SPECC1: variants seen among roughly 807,000 people sequenced by gnomAD.
SPECC1 encodes the protein sperm antigen with calponin homology and coiled-coil domains 1.
Under a neutral mutation model 104.1 loss-of-function variants are expected in SPECC1, and 62 were observed. The ratio of observed to expected loss-of-function variants is 0.60; its 90% CI spans 0.49 to 0.74. The LOEUF (loss-of-function observed/expected upper bound fraction) is 0.74, where lower values mean the gene tolerates loss of function less well. Ranked by LOEUF, SPECC1 falls within the 30% of genes least tolerant of loss-of-function variation. SPECC1 has a pLI of 0.00. For missense variants in SPECC1, 1,306 were observed against 1,310.5 expected, an observed-to-expected ratio of 1.00 and a Z score of 0.05; for synonymous variants, 513 against 501.6, an observed-to-expected ratio of 1.02 and a Z score of -0.30.
At chr17:20,023,398 A>G (rs1009151059) in intron 1 of SPECC1, among the ~76,000 whole-genome samples, 23 of 152,288 alleles carry the variant, frequency 1.5e-4, no homozygotes, top group Non-Finnish European at 2.5e-4. Flanking sequence ...TGCTGAGATT[A>G]TAGTGATGGA....
Position 20,110,537 on chromosome 17 carries a change from G to C in SPECC1, c.258G>C (p.Thr86=). 1.2e-6 allele frequency: 2 copies of C among 1,613,680 alleles called. No homozygotes were observed. Among genetic ancestry groups the C allele is most frequent in the Non-Finnish European group, 1.7e-6 (2 of 1,179,940 alleles). Reference sequence around the variant, plus strand: ...CTGCCGGAGCCATCTCGGAGCTCACGGAGAGCCGCCTGAGGAGCGGCACAG... The same window carrying C: ...CTGCCGGAGCCATCTCGGAGCTCACCGAGAGCCGCCTGAGGAGCGGCACAG... ...TATAGAISEL[T]ESRLRSGTGA... The change falls in exon 3 of 15, where the codon ACG becomes ACC. Residue 86 remains threonine, a synonymous_variant. Coordinates refer to ENST00000395527, the MANE Select transcript of SPECC1 (RefSeq NM_001243439.2).
rs1414647155 is a variant in SPECC1 at position 20,247,204 on chromosome 17, G to A, written c.2498-15G>A. On this transcript the variant is annotated splice_polypyrimidine_tract_variant and intron_variant, in intron 8 of 14. Coordinates refer to ENST00000395527, the MANE Select transcript of SPECC1 (RefSeq NM_001243439.2). ...TGGAACAACATATAAATGTTCCCAT[G>A]TTTTTTCTTGGCAGGTGGAGCTGGA... 1 of 1,597,390 alleles carries A rather than the reference G, an allele frequency of 6.3e-7. No individual in the cohort carries two copies. The highest frequency in any genetic ancestry group is 8.6e-7 in the Non-Finnish European group (1 of 1,169,002).
In SPECC1 at chr17:20,317,878, G is replaced by C. The variant is rs1408840210; in HGVS notation, c.*3813G>C. On this transcript the variant is annotated 3_prime_UTR_variant, in exon 15 of 15. Coordinates refer to ENST00000395527, the MANE Select transcript of SPECC1 (RefSeq NM_001243439.2). ...GCTCCCCCAAGCCATCCGCTGGCGT[G>C]TGGAGGTGCAGGACCTGGGGGAGGC... The C allele has an allele frequency of 4.4e-6, 1 of 226,618 alleles. No individual in the cohort carries two copies. The highest frequency in any genetic ancestry group is 8.8e-6 in the Non-Finnish European group (1 of 114,018). The allele number at this position is 226,618 out of a possible 1,614,324, so 14.0% of individuals were successfully genotyped here.
At chr17:20,202,764 C>T (rs1038622453) in intron 3 of SPECC1, among the ~76,000 whole-genome samples, 1 of 152,160 alleles carries the variant, frequency 6.6e-6, no homozygotes, top group Non-Finnish European at 1.5e-5. Flanking sequence ...AAGTTATACA[C>T]AGAGTTTTGA....
At chr17:20,122,926 A>G (rs2049108511) in intron 3 of SPECC1, among the ~76,000 whole-genome samples, 1 of 152,218 alleles carries the variant, frequency 6.6e-6, no homozygotes, top group Non-Finnish European at 1.5e-5. Context: ...TATTGTGAAT[A>G]ATGCTGCTCT....
intron 3 of SPECC1, among the ~76,000 whole-genome samples, chr17:20,162,836 T>C (rs551864117): frequency 6.6e-6 from 1 of 152,360 alleles, no homozygotes; most frequent in Non-Finnish European, 1.5e-5. Flanking sequence ...GAGACCAGCC[T>C]GACCAACATG....
intron 12 of SPECC1, among the ~76,000 whole-genome samples, chr17:20,295,988 G>A (rs1380013740): frequency 6.6e-6 from 1 of 152,096 alleles, no homozygotes; most frequent in Non-Finnish European, 1.5e-5. Context: ...CACTCTGATG[G>A]CAGTTTCTTT....
At chr17:20,124,235 A>G (rs1341548206) in intron 3 of SPECC1, among the ~76,000 whole-genome samples, 1 of 152,128 alleles carries the variant, frequency 6.6e-6, no homozygotes, top group Admixed American at 6.5e-5. Flanking sequence ...GTCTGTTTAC[A>G]GTGGGGAGGG....
chr17:20,223,981 A>C (rs1254587956), intron 4 of SPECC1, among the ~76,000 whole-genome samples: 1 of 152,210 alleles, frequency 6.6e-6, no homozygotes, highest in Non-Finnish European at 1.5e-5. Flanking sequence ...TTTCTTGAGA[A>C]GACTTTCCAG....
intron 3 of SPECC1, among the ~76,000 whole-genome samples, chr17:20,188,079 G>A (rs1233963828): frequency 2.0e-5 from 3 of 152,094 alleles, no homozygotes; most frequent in Non-Finnish European, 4.4e-5. Context: ...GTCTAGTGGT[G>A]GGTTTCCTTT....
At chr17:20,073,362 C>T (rs1217795797) in intron 1 of SPECC1, among the ~76,000 whole-genome samples, 1 of 152,136 alleles carries the variant, frequency 6.6e-6, no homozygotes, top group Non-Finnish European at 1.5e-5. Context: ...AGCTAGCCAG[C>T]CTACATCTTG....
intron 3 of SPECC1, among the ~76,000 whole-genome samples, chr17:20,128,637 T>C (rs1054474249): frequency 1.3e-5 from 2 of 152,158 alleles, no homozygotes; most frequent in African/African-American, 4.8e-5. Flanking sequence ...TGACAATAAT[T>C]TTCTTACTCA....
intron 2 of SPECC1, among the ~76,000 whole-genome samples, chr17:20,106,496 A>G (rs1567847207): frequency 6.6e-6 from 1 of 152,116 alleles, no homozygotes; most frequent in Non-Finnish European, 1.5e-5. Flanking sequence ...TGTGTCCCCA[A>G]CCAAAATTCA....
chr17:20,086,989 C>CG (rs2047204869), intron 1 of SPECC1: 1 of 152,096 alleles, frequency 6.6e-6, no homozygotes, highest in African/African-American at 2.4e-5. Flanking sequence ...CCCATATCCC[C>CG]GCTTGGCTTA....
chr17:20,302,182 C>T (rs1031542162), intron 13 of SPECC1, among the ~76,000 whole-genome samples: 2 of 152,216 alleles, frequency 1.3e-5, no homozygotes, highest in African/African-American at 4.8e-5. Context: ...ATCTTTCTCC[C>T]GTCGGTTTTG....
rs149807465 is a variant in SPECC1 at position 20,232,096 on chromosome 17, G to C, written c.2146-104G>C. 1.1e-3 allele frequency: 1,549 copies of C among 1,363,562 alleles called. 28 individuals are homozygous for C. The East Asian group carries it at 0.029, about 25-fold the overall frequency. The allele number at this position is 1,363,562 out of a possible 1,614,324, so 84.5% of individuals were successfully genotyped here. A position where few individuals can be genotyped will look rare whatever the true frequency, so the allele number is the denominator to read the frequency against. ...TGTAAGCAGGGCCTCACCAAGCACT[G>C]ATGGCATTTTTTTCTTGGTGACCAA... On this transcript the variant is annotated intron_variant, in intron 6 of 14. Transcript: ENST00000395527.
In SPECC1 at chr17:20,305,504, G is replaced by A. The variant is rs182423497; in HGVS notation, c.3058-519G>A. Reference sequence around the variant, plus strand: ...GTCCTGGAGGAAGTCAGTAGAAAATGCCTTCATTTTAGAAATCAAGTAGTA... The same window carrying A: ...GTCCTGGAGGAAGTCAGTAGAAAATACCTTCATTTTAGAAATCAAGTAGTA... On this transcript the variant is annotated intron_variant, in intron 13 of 14. Transcript: ENST00000395527. The A allele has an allele frequency of 1.4e-3, 218 of 153,752 alleles. 2 individuals are homozygous for A. Among genetic ancestry groups the A allele is most frequent in the African/African-American group, 5.0e-3 (207 of 41,546 alleles). The allele number at this position is 153,752 out of a possible 1,614,324, so 9.5% of individuals were successfully genotyped here. A position where few individuals can be genotyped will look rare whatever the true frequency, so the allele number is the denominator to read the frequency against.
intron 2 of SPECC1, among the ~76,000 whole-genome samples, chr17:20,099,345 C>A (rs2047808093): frequency 6.6e-6 from 1 of 151,610 alleles, no homozygotes; most frequent in East Asian, 1.9e-4. Flanking sequence ...AATAACAGAT[C>A]ATTAGAGCTG....
At chr17:20,031,726 A>T (rs75916784) in intron 1 of SPECC1, among the ~76,000 whole-genome samples, 2,425 of 152,276 alleles carry the variant, frequency 0.016, 59 homozygotes, top group African/African-American at 0.055. Flanking sequence ...TGACTACCCT[A>T]GGTATTTCAT....
Sources: allele counts gnomAD v4.1 joint callset (sites outside exome capture counted in the v4.1 genomes callset), GRCh38; gene constraint gnomAD v4.1.1; transcripts MANE v1.5; gene names NCBI Gene and HGNC (gene_info 2026-07-23, HGNC 2026-07-21).